The following DMD variants were observed in gnomAD, a reference collection of about 807,000 sequenced individuals.
DMD encodes dystrophin, also known as mutant dystrophin.
DMD carries 63 observed loss-of-function variants against 330.1 expected under a neutral mutation model. That is an observed-to-expected ratio of 0.19 (90% CI 0.16 to 0.24). The LOEUF (loss-of-function observed/expected upper bound fraction) is 0.24. Ranked by LOEUF, DMD falls within the 10% of genes least tolerant of loss-of-function variation. The pLI is 1.00. For synonymous variants in DMD, 1,223 were observed against 959.8 expected, an observed-to-expected ratio of 1.27 and a Z score of -5.07; for missense variants, 3,344 against 2,684.1, an observed-to-expected ratio of 1.25 and a Z score of -5.43.
intron 1 of DMD, among the ~76,000 whole-genome samples, chrX:33,153,956 GCTAGTTTATTT>G (rs2048387207): frequency 8.9e-6 from 1 of 112,273 alleles, no homozygotes; most frequent in Admixed American, 9.5e-5. Context: ...GCTCCTTCTG[GCTAGTTTATTT>G]CTAAAGCTAT....
chrX:33,109,481 C>T (rs183155651), intron 1 of DMD, among the ~76,000 whole-genome samples: 7 of 111,702 alleles, frequency 6.3e-5, no homozygotes, highest in African/African-American at 2.3e-4. Context: ...TGACATTTCT[C>T]CCAGAAAGCC....
chrX:32,190,156 A>G (rs1433172278), intron 44 of DMD, among the ~76,000 whole-genome samples: 1 of 111,003 alleles, frequency 9.0e-6, no homozygotes, highest in Admixed American at 9.6e-5. Context: ...TGTGATGCCA[A>G]ACATCCTATA....
rs769601403 is a variant in DMD, at chrX:31,658,126, G to A, written c.7891C>T (p.Arg2631Cys). Residue 2631 changes from arginine to cysteine, a missense_variant, in exon 54 of 79, where the codon CGC (arginine) becomes TGC (cysteine). By Grantham distance (180) the Arg-to-Cys change is radical. Transcript: ENST00000357033. ...TETKQLAKDL[R>C]QWQTNVDVAN... ...ACATCTACATTTGTCTGCCACTGGC[G>A]GAGGTCTTTGGCCAACTGCTATAGA... is the stretch of plus-strand genomic sequence containing the variant. 4 of 1,209,837 alleles carry A rather than the reference G, an allele frequency of 3.3e-6. No individual in the cohort carries two copies. The highest frequency in any genetic ancestry group is 3.4e-6 in the Non-Finnish European group (3 of 895,060).
chrX:31,266,754 G>A, intron 62 of DMD: 12 of 1,120,661 alleles, frequency 1.1e-5, no homozygotes, highest in Middle Eastern at 2.4e-4. Flanking sequence ...CCCTGCTCGC[G>A]CCACAAGTGC....
At chrX:32,902,698 T>C (rs1367920901) in intron 2 of DMD, among the ~76,000 whole-genome samples, 1 of 110,561 alleles carries the variant, frequency 9.0e-6, no homozygotes, top group Non-Finnish European at 1.9e-5. Flanking sequence ...CAAAGCAAGA[T>C]AAAAAGACAC....
At chrX:32,482,252 T>C (rs1182046639) in intron 21 of DMD, among the ~76,000 whole-genome samples, 1 of 111,666 alleles carries the variant, frequency 9.0e-6, no homozygotes. Flanking sequence ...ATGAGTTTAC[T>C]GGTTTTCAGT....
At chrX:31,265,793 GGGGGT>G (rs1254000430) in intron 62 of DMD, among the ~76,000 whole-genome samples, 16 of 74,020 alleles carry the variant, frequency 2.2e-4, no homozygotes, top group African/African-American at 5.8e-4. Context: ...TGGGGGGGGG[GGGGGT>G]GGGTGACAAG....
chrX:31,867,166 CT>C (rs2093814053), intron 48 of DMD, among the ~76,000 whole-genome samples: 1 of 105,311 alleles, frequency 9.5e-6, no homozygotes. Context: ...ACATTTTCAT[CT>C]TTTCTATTGG....
intron 55 of DMD, among the ~76,000 whole-genome samples, chrX:31,528,889 G>T (rs1328937752): frequency 1.8e-5 from 2 of 111,330 alleles, no homozygotes; most frequent in Non-Finnish European, 3.8e-5. Context: ...CAGGTGCTTT[G>T]GGAGGCCGAG....
intron 7 of DMD, among the ~76,000 whole-genome samples, chrX:32,740,064 CA>C (rs1196139097): frequency 9.2e-6 from 1 of 108,828 alleles, no homozygotes; most frequent in Non-Finnish European, 1.9e-5. Context: ...CTTACTTCAT[CA>C]AATTAAATGT....
At chrX:31,266,294 T>C (rs1461513951) in intron 62 of DMD, among the ~76,000 whole-genome samples, 1 of 108,435 alleles carries the variant, frequency 9.2e-6, no homozygotes, top group Admixed American at 9.8e-5. Context: ...ATGAGCACGG[T>C]AGAAAATGCA....
At chrX:32,244,812 G>GT (rs2097226014) in intron 43 of DMD, among the ~76,000 whole-genome samples, 1 of 63,708 alleles carries the variant, frequency 1.6e-5, no homozygotes, top group Non-Finnish European at 3.0e-5. Flanking sequence ...GGGGTTGTTT[G>GT]TTTTTTTCTT....
chrX:31,716,448 G>A (rs1286208919), intron 52 of DMD, among the ~76,000 whole-genome samples: 1 of 111,219 alleles, frequency 9.0e-6, no homozygotes, highest in Non-Finnish European at 1.9e-5. Flanking sequence ...CTACTCAGAT[G>A]GCTGAGGCAG....
chrX:32,517,863 A>G (rs1409307980), intron 18 of DMD, 145 bp downstream of exon 18: 1 of 677,366 alleles, frequency 1.5e-6, no homozygotes, highest in Admixed American at 2.8e-5. Flanking sequence ...TTTGCTTGCT[A>G]TCTAAAATAT....
intron 30 of DMD, among the ~76,000 whole-genome samples, chrX:32,404,279 GAA>G (rs2098104537): frequency 9.0e-6 from 1 of 111,438 alleles, no homozygotes; most frequent in South Asian, 3.7e-4. Context: ...TAATGGGAGG[GAA>G]AAAGAGAAGG....
At chrX:31,760,494 C>T (rs1011913902) in intron 51 of DMD, among the ~76,000 whole-genome samples, 3 of 111,768 alleles carry the variant, frequency 2.7e-5, no homozygotes, top group East Asian at 2.8e-4. Context: ...CAAATACTTG[C>T]CATCGTGTTC....
intron 43 of DMD, among the ~76,000 whole-genome samples, chrX:32,231,525 C>A (rs978812691): frequency 1.2e-4 from 14 of 112,048 alleles, no homozygotes; most frequent in Non-Finnish European, 3.8e-5. Context: ...AGATTAAGAT[C>A]TCTGTCTATC....
intron 55 of DMD, among the ~76,000 whole-genome samples, chrX:31,608,741 G>A (rs1462688449): frequency 3.6e-5 from 4 of 111,005 alleles, no homozygotes; most frequent in Non-Finnish European, 5.7e-5. Context: ...GCACAAACAG[G>A]AATGTATAGA....
intron 50 of DMD, among the ~76,000 whole-genome samples, chrX:31,780,223 T>C (rs1357519644): frequency 8.9e-6 from 1 of 112,075 alleles, no homozygotes; most frequent in Non-Finnish European, 1.9e-5. Context: ...CAGGTCTCCT[T>C]TGGTTGATAA....
Sources: gnomAD v4.1 joint callset for allele counts (sites outside exome capture counted in the v4.1 genomes callset) on GRCh38, gnomAD v4.1.1 for gene constraint, MANE v1.5 for transcripts, NCBI Gene and HGNC (gene_info 2026-07-23, HGNC 2026-07-21) for gene names.